DKK2: variants seen among roughly 807,000 people sequenced by gnomAD.
The protein encoded by DKK2 is dickkopf Wnt signaling pathway inhibitor 2, also known as dickkopf-related protein 2.
Under a neutral mutation model 28.1 loss-of-function variants are expected in DKK2, and 11 were observed. The observed-to-expected ratio is 0.39, with a 90% CI of 0.25 to 0.65. The LOEUF (loss-of-function observed/expected upper bound fraction) is 0.65. Among genes scored for constraint, DKK2 ranks in the 30% least tolerant of loss-of-function variants. The probability of loss-of-function intolerance (pLI) is 0.47; values close to 1 mark genes in which losing one functional copy is unlikely to be tolerated. For missense variants in DKK2, 326 were observed against 335.5 expected, an observed-to-expected ratio of 0.97 and a Z score of 0.22; for synonymous variants, 135 against 126.5, an observed-to-expected ratio of 1.07 and a Z score of -0.45.
intron 1 of DKK2, among the ~76,000 whole-genome samples, chr4:106,944,581 A>G (rs1724750679): frequency 6.6e-6 from 1 of 152,094 alleles, no homozygotes; most frequent in Non-Finnish European, 1.5e-5. Flanking sequence ...TTCACATGTG[A>G]TATTTGTAGA....
chr4:106,937,180 TAA>T (rs1724602975), intron 1 of DKK2, among the ~76,000 whole-genome samples: 3 of 148,946 alleles, frequency 2.0e-5, no homozygotes, highest in African/African-American at 7.4e-5. Context: ...GCAAATTGGA[TAA>T]AGAGTCAAAA....
In DKK2 at chr4:106,923,995, A is replaced by G; in HGVS notation, c.739T>C (p.Tyr247His). The G allele has an allele frequency of 6.2e-7, 1 of 1,613,976 alleles. No homozygotes were observed. Reference sequence around the variant, plus strand: ...ACATGGAGTCTGGCTTTGGAGGAGTAGGTGGCATCTTTCCATACTTTGCAA... The same window carrying G: ...ACATGGAGTCTGGCTTTGGAGGAGTGGGTGGCATCTTTCCATACTTTGCAA... ...LSCKVWKDATYSSKARLHVCQ... is the reference protein window; with the variant it reads ...LSCKVWKDATHSSKARLHVCQ... Residue 247 changes from tyrosine to histidine, a missense_variant, in exon 4 of 4, where the codon TAC (tyrosine) becomes CAC (histidine). Physicochemically the swap from Tyr to His is moderately conservative, Grantham distance 83 (BLOSUM62 2). Transcript: ENST00000285311.
At chr4:107,009,841 A>T (rs1425686848) in intron 1 of DKK2, among the ~76,000 whole-genome samples, 1 of 151,848 alleles carries the variant, frequency 6.6e-6, no homozygotes, top group Non-Finnish European at 1.5e-5. Context: ...CTCTTTGGCT[A>T]ACAGAGACTT....
chr4:106,944,421 A>G (rs1352631803), intron 1 of DKK2, among the ~76,000 whole-genome samples: 2 of 152,114 alleles, frequency 1.3e-5, no homozygotes, highest in Non-Finnish European at 2.9e-5. Flanking sequence ...ATCTTTGTAC[A>G]CATCTATACA....
rs1219986756 is a variant in DKK2, at chr4:106,925,784, A to C, written c.373+15T>G. 1 of 1,601,410 alleles carries C rather than the reference A, an allele frequency of 6.2e-7. No homozygotes were observed. Among genetic ancestry groups the C allele is most frequent in the African/African-American group, 1.4e-5 (1 of 74,000 alleles). On this transcript the variant is annotated intron_variant, in intron 2 of 3. Transcript: ENST00000285311. ...AAAAGAAAGAGGCCCATTAACACTT[A>C]GTGAGATCTTTTACCATTATTGCAG...
chr4:106,930,104 A>T (rs1724479955), intron 1 of DKK2, among the ~76,000 whole-genome samples: 1 of 152,194 alleles, frequency 6.6e-6, no homozygotes, highest in African/African-American at 2.4e-5. Flanking sequence ...GGCAGAAAAC[A>T]CTGACAAAGC....
intron 1 of DKK2, among the ~76,000 whole-genome samples, chr4:107,004,651 A>G (rs1723411085): frequency 6.6e-6 from 1 of 152,238 alleles, no homozygotes; most frequent in South Asian, 2.1e-4. Flanking sequence ...CCCCGAAGAT[A>G]TCTATCCTTG....
chr4:107,019,021 C>T (rs1347990648), intron 1 of DKK2, among the ~76,000 whole-genome samples: 2 of 151,562 alleles, frequency 1.3e-5, no homozygotes, highest in Non-Finnish European at 2.9e-5. Context: ...TTGTTTTTTG[C>T]TTTGAAGAGA....
At chr4:107,000,821 G>C (rs1723349133) in intron 1 of DKK2, among the ~76,000 whole-genome samples, 1 of 152,088 alleles carries the variant, frequency 6.6e-6, no homozygotes, top group Non-Finnish European at 1.5e-5. Context: ...TTTGTATCAA[G>C]TATGATGTCC....
At chr4:107,034,587 T>C (rs1245905425) in intron 1 of DKK2, among the ~76,000 whole-genome samples, 1 of 152,204 alleles carries the variant, frequency 6.6e-6, no homozygotes, top group Non-Finnish European at 1.5e-5. Context: ...CAAAAACGCC[T>C]TCAGTGTCCT....
At chr4:107,034,321 T>A (rs559962713) in intron 1 of DKK2, among the ~76,000 whole-genome samples, 2 of 152,088 alleles carry the variant, frequency 1.3e-5, no homozygotes, top group Non-Finnish European at 2.9e-5. Context: ...ACACTTGTGT[T>A]GTGCGAGGTG....
chr4:107,032,551 A>G (rs1723890567), intron 1 of DKK2, among the ~76,000 whole-genome samples: 1 of 152,106 alleles, frequency 6.6e-6, no homozygotes, highest in Admixed American at 6.5e-5. Flanking sequence ...CAGTGGCAAT[A>G]TTTAATTCTC....
chr4:106,989,915 G>A (rs1158750622), intron 1 of DKK2, among the ~76,000 whole-genome samples: 5 of 151,964 alleles, frequency 3.3e-5, no homozygotes, highest in Admixed American at 6.6e-5. Context: ...AAATGAAACA[G>A]GTGAAATTAA....
intron 1 of DKK2, among the ~76,000 whole-genome samples, chr4:106,957,502 C>G (rs956961812): frequency 9.9e-5 from 15 of 151,880 alleles, no homozygotes; most frequent in Non-Finnish European, 2.1e-4. Context: ...TGGAACCAAC[C>G]CAAATGTCCA....
intron 1 of DKK2, among the ~76,000 whole-genome samples, chr4:106,989,291 CAGA>C (rs1393510477): frequency 6.6e-6 from 1 of 152,082 alleles, no homozygotes; most frequent in African/African-American, 2.4e-5. Flanking sequence ...TATAGTGTGC[CAGA>C]AGGATTCTGG....
At position 106,936,799 on chromosome 4, in the gene DKK2, G is replaced by C. The variant is rs1479964276; in HGVS notation, c.223-10850C>G. Among the ~76,000 whole-genome samples the C allele has an allele frequency of 2.0e-5, 3 of 152,104 alleles. No individual in the cohort carries two copies. In the East Asian group the frequency reaches 5.8e-4, roughly 29 times the overall value. On this transcript the variant is annotated intron_variant, in intron 1 of 3. Transcript: ENST00000285311. ...GAAACCCTACAAGCCAGAAGAGAGT[G>C]GGGGCCAATATTCAACATTCTTAAA... is the stretch of plus-strand genomic sequence containing the variant.
At chr4:106,971,956 T>C (rs1004857643) in intron 1 of DKK2, among the ~76,000 whole-genome samples, 7 of 152,098 alleles carry the variant, frequency 4.6e-5, no homozygotes, top group Non-Finnish European at 8.8e-5. Context: ...AATCCAGATG[T>C]AGCAACCTGA....
At chr4:106,985,098 A>G (rs1313773519) in intron 1 of DKK2, among the ~76,000 whole-genome samples, 2 of 151,890 alleles carry the variant, frequency 1.3e-5, no homozygotes, top group African/African-American at 4.8e-5. Context: ...AGTCCCAGCT[A>G]CTAGGCAGGC....
At chr4:106,935,002 C>T (rs1007324687) in intron 1 of DKK2, among the ~76,000 whole-genome samples, 1 of 152,028 alleles carries the variant, frequency 6.6e-6, no homozygotes, top group Non-Finnish European at 1.5e-5. Flanking sequence ...AAAGCTGGCC[C>T]CAAATGATTA....
Sources: allele counts gnomAD v4.1 joint callset (sites outside exome capture counted in the v4.1 genomes callset), GRCh38; gene constraint gnomAD v4.1.1; transcripts MANE v1.5; gene names NCBI Gene and HGNC (gene_info 2026-07-23, HGNC 2026-07-21).